Variants in THSD7B observed in about 807,000 individuals in gnomAD.
The protein encoded by THSD7B is thrombospondin type-1 domain-containing protein 7B.
In THSD7B, 138 loss-of-function variants were observed where a neutral mutation model predicts 213.6. That is an observed-to-expected ratio of 0.65 (90% confidence interval 0.56 to 0.74). THSD7B has a LOEUF of 0.74. Ranked by LOEUF, THSD7B falls within the 30% of genes least tolerant of loss-of-function variation. The pLI, the probability that THSD7B is intolerant of heterozygous loss-of-function variation, is 0.00. For missense variants in THSD7B, 1,931 were observed against 1,991.5 expected, an observed-to-expected ratio of 0.97 and a Z score of 0.58; for synonymous variants, 742 against 687.0, an observed-to-expected ratio of 1.08 and a Z score of -1.25.
chr2:137,179,816 G>A (rs2105004296), intron 7 of THSD7B, among the ~76,000 whole-genome samples: 1 of 152,154 alleles, frequency 6.6e-6, no homozygotes, highest in Admixed American at 6.5e-5. Flanking sequence ...TAAGAGTCAT[G>A]TTGTTCCCCT....
rs188017105 is a variant in THSD7B, at chr2:136,939,877, C to T, written c.139+57560C>T. ...CCTCAACCTCCCTACCACCACCCCC[C>T]GACACACACCACCACCAGGACCATC... On this transcript the variant is annotated intron_variant, in intron 2 of 27. Transcript: ENST00000409968. Among the ~76,000 whole-genome samples the T allele has an allele frequency of 7.2e-5, 11 of 152,178 alleles. No individual in the cohort carries two copies. The East Asian group carries it at 1.2e-3, about 16-fold the overall frequency.
intron 12 of THSD7B, among the ~76,000 whole-genome samples, chr2:137,400,738 T>C (rs1686334964): frequency 6.6e-6 from 1 of 152,098 alleles, no homozygotes; most frequent in Admixed American, 6.5e-5. Flanking sequence ...CCAGCTGCAG[T>C]GATAGTGGTA....
At chr2:137,212,967 C>T (rs979481762) in intron 7 of THSD7B, among the ~76,000 whole-genome samples, 2 of 148,036 alleles carry the variant, frequency 1.4e-5, no homozygotes, top group Non-Finnish European at 3.0e-5. Context: ...AATTCAGGCC[C>T]AGATTTATGG....
chr2:137,606,786 G>A (rs1489462994), intron 17 of THSD7B, among the ~76,000 whole-genome samples: 2 of 152,118 alleles, frequency 1.3e-5, no homozygotes, highest in African/African-American at 4.8e-5. Flanking sequence ...CATTTCATGG[G>A]AAGGAAAAGA....
Position 137,677,043 on chromosome 2 carries a change from C to A in THSD7B, c.*438C>A, listed in dbSNP as rs1351038763. The A allele has an allele frequency of 6.5e-6, 1 of 153,230 alleles. No homozygotes were observed. The highest frequency in any genetic ancestry group is 1.5e-5 in the Non-Finnish European group (1 of 68,468). The allele number at this position is 153,230 out of a possible 1,614,324, so 9.5% of individuals were successfully genotyped here. A position where few individuals can be genotyped will look rare whatever the true frequency, so the allele number is the denominator to read the frequency against. On this transcript the variant is annotated 3_prime_UTR_variant, in exon 28 of 28. Coordinates refer to ENST00000409968, the MANE Select transcript of THSD7B (RefSeq NM_001316349.2). ...GTGCAAAGTCTTTATTCTTCCCATA[C>A]TTCAACACTGAGTTTTCTAGAGTTT...
intron 20 of THSD7B, among the ~76,000 whole-genome samples, chr2:137,626,754 C>T (rs553139675): frequency 6.6e-6 from 1 of 152,292 alleles, no homozygotes; most frequent in East Asian, 1.9e-4. Context: ...ATTTTGTCCA[C>T]CAGGTATGCT....
intron 2 of THSD7B, among the ~76,000 whole-genome samples, chr2:136,929,714 G>A (rs1191946402): frequency 1.3e-5 from 2 of 152,184 alleles, no homozygotes; most frequent in Non-Finnish European, 2.9e-5. Flanking sequence ...AGGTGCTGGT[G>A]TCCACAACTG....
At chr2:137,000,337 G>A (rs1480637340) in intron 2 of THSD7B, among the ~76,000 whole-genome samples, 38 of 152,004 alleles carry the variant, frequency 2.5e-4, no homozygotes, top group Admixed American at 2.5e-3. Flanking sequence ...AGTTTAACTG[G>A]GAAGCTGTGT....
chr2:137,556,557 A>C, intron 15 of THSD7B, among the ~76,000 whole-genome samples: 1 of 152,378 alleles, frequency 6.6e-6, no homozygotes, highest in Admixed American at 6.5e-5. Context: ...AAACATGGAA[A>C]GGAACCAGCG....
chr2:136,893,092 A>G (rs1683893365), intron 2 of THSD7B, among the ~76,000 whole-genome samples: 1 of 152,124 alleles, frequency 6.6e-6, no homozygotes, highest in African/African-American at 2.4e-5. Flanking sequence ...AAGTCTTCTC[A>G]TTTACGTTTT....
At chr2:137,566,702 G>A (rs1470850418) in intron 16 of THSD7B, among the ~76,000 whole-genome samples, 1 of 152,078 alleles carries the variant, frequency 6.6e-6, no homozygotes, top group Non-Finnish European at 1.5e-5. Context: ...TCACAACTTT[G>A]TTACATAAAA....
intron 15 of THSD7B, among the ~76,000 whole-genome samples, chr2:137,489,828 G>A (rs1553454380): frequency 1.3e-5 from 2 of 152,044 alleles, no homozygotes; most frequent in Admixed American, 1.3e-4. Flanking sequence ...ATAGTTTAAA[G>A]AAAAAAACCT....
intron 15 of THSD7B, among the ~76,000 whole-genome samples, chr2:137,497,936 G>T (rs1269379130): frequency 6.6e-6 from 1 of 152,146 alleles, no homozygotes; most frequent in Admixed American, 6.5e-5. Flanking sequence ...ATGAAGCGAA[G>T]TGTAACCTTC....
At chr2:136,766,388 C>T (rs1293197346) in intron 1 of THSD7B, among the ~76,000 whole-genome samples, 3 of 142,366 alleles carry the variant, frequency 2.1e-5, no homozygotes, top group East Asian at 2.4e-4. Context: ...AAACTGGGAA[C>T]GGGGCTTGAG....
chr2:136,891,903 G>A (rs1435109675), intron 2 of THSD7B, among the ~76,000 whole-genome samples: 1 of 152,252 alleles, frequency 6.6e-6, no homozygotes, highest in Non-Finnish European at 1.5e-5. Flanking sequence ...ACTTGGGTTC[G>A]TTCTCTTGTG....
intron 17 of THSD7B, among the ~76,000 whole-genome samples, chr2:137,586,804 A>G (rs1573727140): frequency 1.3e-5 from 2 of 152,014 alleles, no homozygotes; most frequent in African/African-American, 4.8e-5. Context: ...GAATCTGACA[A>G]TTGTGTGTCT....
At chr2:137,206,450 C>A (rs1263130188) in intron 7 of THSD7B, among the ~76,000 whole-genome samples, 1 of 152,020 alleles carries the variant, frequency 6.6e-6, no homozygotes, top group African/African-American at 2.4e-5. Context: ...AGGTTTTCAG[C>A]CCTGACTGCG....
chr2:137,592,482 T>C (rs1227971182), intron 17 of THSD7B, among the ~76,000 whole-genome samples: 1 of 151,868 alleles, frequency 6.6e-6, no homozygotes, highest in African/African-American at 2.4e-5. Context: ...CCAAGCAAGT[T>C]GGAATGATAC....
chr2:137,262,339 G>A (rs1026641642), intron 10 of THSD7B, among the ~76,000 whole-genome samples: 3 of 151,870 alleles, frequency 2.0e-5, no homozygotes, highest in African/African-American at 7.3e-5. Context: ...ATGCAGAATG[G>A]TGTTTCAGTG....
Sources: gnomAD v4.1 joint callset for allele counts (sites outside exome capture counted in the v4.1 genomes callset) on GRCh38, gnomAD v4.1.1 for gene constraint, MANE v1.5 for transcripts, NCBI Gene and HGNC (gene_info 2026-07-23, HGNC 2026-07-21) for gene names.